The following PM20D1 variants were observed in gnomAD, a reference collection of about 807,000 sequenced individuals.
PM20D1 encodes peptidase M20 domain containing 1.
A neutral mutation model predicts 53.8 loss-of-function variants in PM20D1; 53 were observed. The observed-to-expected ratio is 0.98, with a 90% CI of 0.79 to 1.24. PM20D1 has a LOEUF of 1.24. Ranked by LOEUF, PM20D1 falls within the 50% of genes most tolerant of loss-of-function variation. The pLI, the probability that PM20D1 is intolerant of heterozygous loss-of-function variation, is 0.00. For synonymous variants in PM20D1, 239 were observed against 241.3 expected (o/e 0.99, Z 0.09); for missense variants, 564 against 616.8 (o/e 0.91, Z 0.91).
At position 205,845,333 on chromosome 1, in the gene PM20D1, A is replaced by G. The variant is rs1165213622; in HGVS notation, c.481T>C (p.Ser161Pro). The G allele has an allele frequency of 6.2e-7, 1 of 1,613,254 alleles. No individual in the cohort carries two copies. Among genetic ancestry groups the G allele is most frequent in the Non-Finnish European group, 8.5e-7 (1 of 1,179,298 alleles). Residue 161 changes from serine (S) to proline (P), a missense_variant, in exon 3 of 13, where the codon TCT (serine) becomes CCT (proline). Physicochemically the swap from Ser to Pro is moderately conservative, Grantham distance 74. Coordinates refer to ENST00000367136, the MANE Select transcript of PM20D1 (RefSeq NM_152491.5). ...AACATTGCATCTCAGACCATCACAG[A>G]GTTCTTGTCGTCCAGTGTGCCCCGA... The part of the protein sequence containing the change: ...YGRGTLDDKN[S>P]VMALLQALEL...
rs150753096 is a variant in PM20D1, at chr1:205,832,905, G to A, written c.1117-139C>T. ...CAGGACTTATTTTTTTTAAGCACTG[G>A]GACTTCAATTTCAGCTGACTGGCTA... On this transcript the variant is annotated intron_variant, in intron 10 of 12. Transcript: ENST00000367136. 270 of 974,366 alleles carry A rather than the reference G, an allele frequency of 2.8e-4. 2 individuals are homozygous for A. In the African/African-American group the frequency reaches 3.7e-3, roughly 14 times the overall value. 60.4% of individuals were successfully genotyped at this position (974,366 alleles called of 1,614,324 possible).
chr1:205,832,566 C>T (rs1353939083), intron 11 of PM20D1, 32 bp downstream of exon 11: 2 of 1,611,438 alleles, frequency 1.2e-6, no homozygotes, highest in Non-Finnish European at 1.7e-6. Flanking sequence ...CAGCCCCCTC[C>T]TCCCTCCAGC....
rs778316613 is a variant in PM20D1 at position 205,842,738 on chromosome 1, G to A, written c.841C>T (p.Pro281Ser). Residue 281 changes from proline to serine, a missense_variant, in exon 7 of 13, where the codon CCA becomes TCA. Coordinates refer to ENST00000367136, the MANE Select transcript of PM20D1 (RefSeq NM_152491.5). ...CCGCTTCCAAATATGATAGGCATTG[G>A]TGTCTGCTCCAATCTGGAAGAGAAA... ...AAAVSRLEQTPMPIIFGSGTV... is the reference protein window; with the variant it reads ...AAAVSRLEQTSMPIIFGSGTV... 6.2e-6 allele frequency: 10 copies of A among 1,613,892 alleles called. No individual in the cohort carries two copies. The highest frequency in any genetic ancestry group is 2.7e-5 in the African/African-American group (2 of 74,906).
rs372670871 is a variant in PM20D1, at chr1:205,842,259, A to G, written c.904-44T>C. 184 of 1,553,368 alleles carry G rather than the reference A, an allele frequency of 1.2e-4. 1 individual carries two copies. The African/African-American group carries it at 2.3e-3, about 19-fold the overall frequency. On this transcript the variant is annotated intron_variant, in intron 7 of 12. Transcript: ENST00000367136. The stretch of plus-strand genomic sequence containing the variant: ...AGCACCACAGGGTCACCTCTAGTTT[A>G]GCCTGGGTCTCTGAGACCTGAGTCT...
At chr1:205,845,637 C>T (rs568071378) in intron 2 of PM20D1, 80 bp from the exon 3 acceptor site, 14 of 1,213,290 alleles carry the variant, frequency 1.2e-5, no homozygotes, top group South Asian at 5.6e-5. Flanking sequence ...GCTTCCTGTT[C>T]CTTTATTTAT....
At chr1:205,847,594 G>A (rs1181935668) in intron 2 of PM20D1, among the ~76,000 whole-genome samples, 4 of 150,294 alleles carry the variant, frequency 2.7e-5, no homozygotes, top group Non-Finnish European at 4.4e-5. Context: ...CAAGTAGAAG[G>A]AAATCCTAGT....
rs77277247 is a variant in PM20D1, at chr1:205,830,236, G to A, written c.1385+44C>T. The A allele has an allele frequency of 1.2e-3, 1,652 of 1,381,392 alleles. 11 individuals carry two copies. The African/African-American group carries it at 0.021, about 18-fold the overall frequency. The allele number at this position is 1,381,392 out of a possible 1,614,324, so 85.6% of individuals were successfully genotyped here. On this transcript the variant is annotated intron_variant, in intron 12 of 12. Coordinates refer to ENST00000367136, the MANE Select transcript of PM20D1 (RefSeq NM_152491.5). ...GGGGTAGGAAAAGGACACATCAAGT[G>A]TATTTCTTTTCTCCCACCTGCTGCT...
In PM20D1 at chr1:205,831,799, T is replaced by A. The variant is rs545366043; in HGVS notation, c.1285+799A>T. 4.9e-4 allele frequency among the ~76,000 whole-genome samples: 74 copies of A among 152,198 alleles called. 2 individuals carry two copies. In the South Asian group the frequency reaches 0.015, roughly 30 times the overall value. On this transcript the variant is annotated intron_variant, in intron 11 of 12. Coordinates refer to ENST00000367136, the MANE Select transcript of PM20D1 (RefSeq NM_152491.5). ...GGCTGGTCTTGAACTCCTGACCTCA[T>A]GATCCACCCGCCTCTGCCTCCCAAA...
intron 1 of PM20D1, 95 bp from the exon 2 acceptor site, chr1:205,848,066 T>C: frequency 1.7e-6 from 2 of 1,182,308 alleles, no homozygotes; most frequent in Non-Finnish European, 2.5e-6. Context: ...TTGCCTTCAT[T>C]ATCATATTGC....
At chr1:205,831,345 TG>T (rs2102522334) in intron 11 of PM20D1, among the ~76,000 whole-genome samples, 2 of 152,280 alleles carry the variant, frequency 1.3e-5, no homozygotes, top group Non-Finnish European at 2.9e-5. Flanking sequence ...TGCAAAAGCC[TG>T]GCCCCATTGG....
chr1:205,844,432 A>G (rs528101544), intron 4 of PM20D1, among the ~76,000 whole-genome samples: 1 of 152,274 alleles, frequency 6.6e-6, no homozygotes, highest in Admixed American at 6.5e-5. Flanking sequence ...AAATGAAGAA[A>G]CTGGAGCCAA....
intron 11 of PM20D1, among the ~76,000 whole-genome samples, chr1:205,831,847 C>T (rs1033866842): frequency 3.9e-5 from 6 of 152,174 alleles, no homozygotes; most frequent in Non-Finnish European, 7.3e-5. Flanking sequence ...CAGGTGTGAG[C>T]CACCGTGCCC....
rs1359112582 is a variant in PM20D1, at chr1:205,831,815, G to A, written c.1285+783C>T. Among the ~76,000 whole-genome samples the A allele has an allele frequency of 2.6e-5, 4 of 152,074 alleles. No homozygotes were observed. The East Asian group carries it at 7.7e-4, about 29-fold the overall frequency. On this transcript the variant is annotated intron_variant, in intron 11 of 12. Coordinates refer to ENST00000367136, the MANE Select transcript of PM20D1 (RefSeq NM_152491.5). ...CTGACCTCATGATCCACCCGCCTCT[G>A]CCTCCCAAAGTGCTGGGATTACAGG...
At position 205,841,903 on chromosome 1, in the gene PM20D1, A is replaced by C; in HGVS notation, c.966-14T>G. 3 of 1,553,758 alleles carry C rather than the reference A, an allele frequency of 1.9e-6. No homozygotes were observed. On this transcript the variant is annotated splice_polypyrimidine_tract_variant and intron_variant, in intron 8 of 12. Coordinates refer to ENST00000367136, the MANE Select transcript of PM20D1 (RefSeq NM_152491.5). ...CTCTCCATAAACCTAAAACAAAAGG[A>C]CCAAGGTCAGATGTTAGAAAGAACC...
chr1:205,831,595 GCT>G (rs1026332987), intron 11 of PM20D1, among the ~76,000 whole-genome samples: 7 of 133,400 alleles, frequency 5.2e-5, no homozygotes, highest in African/African-American at 1.7e-4. Flanking sequence ...ACAGAGTCTT[GCT>G]CTGTCACCCA....
At position 205,844,894 on chromosome 1, in the gene PM20D1, A is replaced by G; in HGVS notation, c.493T>C (p.Leu165=). 6.2e-7 allele frequency: 1 copy of G among 1,613,512 alleles called. No homozygotes were observed. The highest frequency in any genetic ancestry group is 8.5e-7 in the Non-Finnish European group (1 of 1,179,830). Residue 165 remains leucine (L), a synonymous_variant, in exon 4 of 13, where the codon TTA becomes CTA. Transcript: ENST00000367136. ...AGCAGGAGCTCCAAGGCCTGCAGTA[A>G]TGCCTGGGGTTCAGAAGCACAATGG... The part of the protein sequence containing the change: ...TLDDKNSVMA[L]LQALELLLIR...
At chr1:205,848,300 C>T (rs1488407835) in intron 1 of PM20D1, among the ~76,000 whole-genome samples, 1 of 152,190 alleles carries the variant, frequency 6.6e-6, no homozygotes, top group African/African-American at 2.4e-5. Context: ...AGGGAAGCTA[C>T]TATAAATTGC....
At position 205,842,165 on chromosome 1, in the gene PM20D1, TG is replaced by T. The variant is rs1558093212; in HGVS notation, c.953del (p.Pro318HisfsTer3). 6.2e-7 allele frequency: 1 copy of T among 1,611,748 alleles called. No homozygotes were observed. Among genetic ancestry groups the T allele is most frequent in the East Asian group, 2.2e-5 (1 of 44,864 alleles). On this transcript the variant is annotated frameshift_variant, in exon 8 of 13. Coordinates refer to ENST00000367136, the MANE Select transcript of PM20D1 (RefSeq NM_152491.5). LOFTEE classifies it high-confidence loss of function. ...IILSNPWLFE[P>X]LISRFMERNP... ...AGATAATACTTTACCTGCTTATAAG[TG>T]GTTCAAATAGCCATGGGTTGCTCAG...
chr1:205,845,712 A>G (rs1656940627), intron 2 of PM20D1, among the ~76,000 whole-genome samples, 155 bp from the exon 3 acceptor site: 1 of 152,148 alleles, frequency 6.6e-6, no homozygotes, highest in Admixed American at 6.5e-5. Context: ...CTGATTCCTG[A>G]TCTACCTGGA....
Sources: gnomAD v4.1 joint callset for allele counts (sites outside exome capture counted in the v4.1 genomes callset) on GRCh38, gnomAD v4.1.1 for gene constraint, MANE v1.5 for transcripts, NCBI Gene and HGNC (gene_info 2026-07-23, HGNC 2026-07-21) for gene names.